ARHGAP6: variants seen among roughly 807,000 people sequenced by gnomAD.
The protein encoded by ARHGAP6 is rho GTPase-activating protein 6.
ARHGAP6 carries 16 observed loss-of-function variants against 55.7 expected under a neutral mutation model. The observed-to-expected ratio is 0.29, with a 90% confidence interval of 0.19 to 0.44. The LOEUF (loss-of-function observed/expected upper bound fraction) is 0.44. Ranked by LOEUF, ARHGAP6 falls within the 20% of genes least tolerant of loss-of-function variation. The pLI, the probability that ARHGAP6 is intolerant of heterozygous loss-of-function variation, is 1.00. For missense variants in ARHGAP6, 698 were observed against 808.9 expected (o/e 0.86, Z 1.66); for synonymous variants, 382 against 360.9 (o/e 1.06, Z -0.66).
chrX:11,490,123 G>A (rs765510650), intron 1 of ARHGAP6, among the ~76,000 whole-genome samples: 3 of 111,188 alleles, frequency 2.7e-5, no homozygotes, highest in African/African-American at 9.8e-5. Context: ...CTTGAGTGTG[G>A]GCAGAACCTG....
At chrX:11,162,557 C>T (rs1331618772) in intron 9 of ARHGAP6, among the ~76,000 whole-genome samples, 1 of 111,223 alleles carries the variant, frequency 9.0e-6, no homozygotes. Flanking sequence ...ATTTTATGCT[C>T]TTTCAGAATA....
At chrX:11,613,454 T>C (rs1480122124) in intron 1 of ARHGAP6, among the ~76,000 whole-genome samples, 1 of 112,192 alleles carries the variant, frequency 8.9e-6, no homozygotes, top group Non-Finnish European at 1.9e-5. Flanking sequence ...TCTGGCTCCA[T>C]CTCTACTTTT....
chrX:11,241,433 G>A (rs1026925224), intron 2 of ARHGAP6, among the ~76,000 whole-genome samples: 6 of 110,425 alleles, frequency 5.4e-5, no homozygotes, highest in African/African-American at 2.0e-4. Context: ...TTCAAGAGAG[G>A]GGAAAATAAT....
At chrX:11,480,586 C>T (rs1474422833) in intron 1 of ARHGAP6, among the ~76,000 whole-genome samples, 1 of 112,318 alleles carries the variant, frequency 8.9e-6, no homozygotes, top group East Asian at 2.8e-4. Context: ...TTATGCAGTT[C>T]AAATGCGTGA....
intron 1 of ARHGAP6, among the ~76,000 whole-genome samples, chrX:11,602,434 T>C (rs1441512215): frequency 1.8e-5 from 2 of 112,437 alleles, no homozygotes; most frequent in East Asian, 5.6e-4. Flanking sequence ...ATAACAAAAG[T>C]GTCTCTCCGG....
At chrX:11,549,815 C>T (rs1381901337) in intron 1 of ARHGAP6, among the ~76,000 whole-genome samples, 1 of 112,492 alleles carries the variant, frequency 8.9e-6, no homozygotes, top group African/African-American at 3.2e-5. Flanking sequence ...ACGTTTATAG[C>T]AACTTGACAT....
chrX:11,407,060 A>C (rs1434994251), intron 1 of ARHGAP6, among the ~76,000 whole-genome samples: 1 of 111,596 alleles, frequency 9.0e-6, no homozygotes, highest in Admixed American at 9.5e-5. Context: ...GTATATTCAC[A>C]GAGTTGTGCA....
chrX:11,534,054 T>C (rs1183522010), intron 1 of ARHGAP6, among the ~76,000 whole-genome samples: 2 of 111,192 alleles, frequency 1.8e-5, no homozygotes. Flanking sequence ...TGGCCTTATC[T>C]AGGATAGTAG....
At chrX:11,217,492 T>G (rs746440348) in intron 2 of ARHGAP6, among the ~76,000 whole-genome samples, 4 of 112,656 alleles carry the variant, frequency 3.6e-5, no homozygotes, top group African/African-American at 9.7e-5. Flanking sequence ...TTCATATGTT[T>G]GTTGGCTGCA....
intron 2 of ARHGAP6, among the ~76,000 whole-genome samples, chrX:11,220,469 G>A (rs1271384932): frequency 1.8e-5 from 2 of 111,089 alleles, no homozygotes; most frequent in African/African-American, 6.5e-5. Context: ...GAGAGTGGGG[G>A]CCAATATTCA....
chrX:11,213,703 A>G (rs1026986910), intron 2 of ARHGAP6, among the ~76,000 whole-genome samples: 25 of 112,001 alleles, frequency 2.2e-4, no homozygotes, highest in Admixed American at 5.7e-4. Context: ...CAATGTGTAC[A>G]CAGGAACATA....
chrX:11,581,580 T>C (rs5933902), intron 1 of ARHGAP6, among the ~76,000 whole-genome samples: 29,770 of 110,960 alleles, frequency 0.27, 3,080 homozygotes, highest in Middle Eastern at 0.39. Context: ...AAGATTATTC[T>C]GCCATGCAAA....
At chrX:11,189,466 C>T (rs989433300) in intron 3 of ARHGAP6, among the ~76,000 whole-genome samples, 1 of 111,966 alleles carries the variant, frequency 8.9e-6, no homozygotes, top group African/African-American at 3.3e-5. Context: ...ACTGAATACA[C>T]TTTGAGGTTC....
At chrX:11,351,755 C>T (rs1341230436) in intron 1 of ARHGAP6, 1 of 150,882 alleles carries the variant, frequency 6.6e-6, no homozygotes, top group Non-Finnish European at 1.1e-5. Context: ...ACAGTGCTGT[C>T]AGCTCTGTTA....
At chrX:11,159,062 A>T (rs1230893763) in intron 9 of ARHGAP6, among the ~76,000 whole-genome samples, 1 of 111,777 alleles carries the variant, frequency 8.9e-6, no homozygotes, top group Non-Finnish European at 1.9e-5. Context: ...GTTGGAGAAA[A>T]TCATTCCAGG....
At chrX:11,590,821 GA>G (rs1224855942) in intron 1 of ARHGAP6, among the ~76,000 whole-genome samples, 1 of 29,361 alleles carries the variant, frequency 3.4e-5, no homozygotes, top group African/African-American at 1.9e-4. Context: ...GAAAAGAAAA[GA>G]AAAGAAAAGA....
chrX:11,592,518 G>C (rs185838328), intron 1 of ARHGAP6, among the ~76,000 whole-genome samples: 1 of 111,135 alleles, frequency 9.0e-6, no homozygotes, highest in Admixed American at 9.6e-5. Context: ...TATATAGGCA[G>C]GAGAAGACAA....
chrX:11,604,390 C>T (rs974912513), intron 1 of ARHGAP6, among the ~76,000 whole-genome samples: 5 of 111,285 alleles, frequency 4.5e-5, no homozygotes, highest in Admixed American at 9.5e-5. Context: ...GATTTAGTCA[C>T]TGAGTTTATC....
At chrX:11,362,936 A>G (rs2049031135) in intron 1 of ARHGAP6, among the ~76,000 whole-genome samples, 1 of 112,012 alleles carries the variant, frequency 8.9e-6, no homozygotes, top group Non-Finnish European at 1.9e-5. Flanking sequence ...TGTTTTTTCT[A>G]TCTTTTCAGT....
Sources: allele counts gnomAD v4.1 joint callset (sites outside exome capture counted in the v4.1 genomes callset), GRCh38; gene constraint gnomAD v4.1.1; transcripts MANE v1.5; gene names NCBI Gene and HGNC (gene_info 2026-07-23, HGNC 2026-07-21).